SPMAP2L: variants seen among roughly 807,000 people sequenced by gnomAD.
SPMAP2L encodes the protein sperm microtubule associated protein 2-like.
At chr4:56,562,795 T>TTTTTTTA in the SPMAP2L span, among the ~76,000 whole-genome samples, 2 of 151,232 alleles carry the variant, frequency 1.3e-5, no homozygotes. Context: ...TCTTTTTTTT[T>TTTTTTTA]ACTATGTGTG....
the SPMAP2L span, among the ~76,000 whole-genome samples, chr4:56,567,087 A>C: frequency 6.6e-6 from 1 of 152,104 alleles, no homozygotes; most frequent in East Asian, 1.9e-4. Context: ...TAAATCTTAC[A>C]TTATTATTAT....
the SPMAP2L span, among the ~76,000 whole-genome samples, chr4:56,569,905 T>G: frequency 1.3e-5 from 2 of 152,214 alleles, no homozygotes; most frequent in African/African-American, 4.8e-5. Context: ...TTTACCAAAG[T>G]ATTTACTTTA....
At chr4:56,559,785 T>G in the SPMAP2L span, among the ~76,000 whole-genome samples, 2 of 152,158 alleles carry the variant, frequency 1.3e-5, no homozygotes, top group Non-Finnish European at 2.9e-5. Context: ...GCCAGACTGG[T>G]CTCGAGCTCC....
the SPMAP2L span, chr4:56,531,257 C>G: frequency 2.1e-6 from 3 of 1,431,852 alleles, no homozygotes; most frequent in Non-Finnish European, 2.7e-6. Flanking sequence ...CATCTAGAAC[C>G]GGGGGTCCTA....
the SPMAP2L span, chr4:56,593,819 T>C: frequency 6.2e-7 from 1 of 1,609,804 alleles, no homozygotes; most frequent in South Asian, 1.1e-5. Flanking sequence ...TCAGGCCCTC[T>C]TGGCGAATAT....
At chr4:56,588,064 C>T in the SPMAP2L span, among the ~76,000 whole-genome samples, 2 of 152,154 alleles carry the variant, frequency 1.3e-5, no homozygotes, top group Non-Finnish European at 2.9e-5. Context: ...TTTCCTTGAT[C>T]ATTAGTGATG....
the SPMAP2L span, chr4:56,530,915 A>C: frequency 3.3e-6 from 5 of 1,535,094 alleles, no homozygotes; most frequent in Non-Finnish European, 4.4e-6. Context: ...GATGAGCCTC[A>C]TGAGTCCTAT....
chr4:56,612,452 G>T, the SPMAP2L span, among the ~76,000 whole-genome samples: 4 of 150,692 alleles, frequency 2.7e-5, no homozygotes, highest in Admixed American at 2.0e-4. Flanking sequence ...AGCGATTCTC[G>T]TGCCTCAGTG....
At chr4:56,593,705 G>C in the SPMAP2L span, 2 of 1,593,156 alleles carry the variant, frequency 1.3e-6, no homozygotes. Context: ...AAGAATGGTG[G>C]GGGCAACAAG....
At chr4:56,544,675 G>T in the SPMAP2L span, among the ~76,000 whole-genome samples, 1 of 151,068 alleles carries the variant, frequency 6.6e-6, no homozygotes, top group African/African-American at 2.5e-5. Context: ...CCGCTAGGCC[G>T]AGCCCCGCAG....
At chr4:56,598,045 A>G in the SPMAP2L span, among the ~76,000 whole-genome samples, 2 of 152,104 alleles carry the variant, frequency 1.3e-5, no homozygotes, top group African/African-American at 4.8e-5. Context: ...ATTTTTTTGT[A>G]GAGACAGGGG....
the SPMAP2L span, among the ~76,000 whole-genome samples, chr4:56,544,886 C>G: frequency 6.6e-6 from 1 of 152,252 alleles, no homozygotes; most frequent in Non-Finnish European, 1.5e-5. Context: ...GCATTCTCAA[C>G]AGGAAAGCCC....
chr4:56,571,183 C>T, the SPMAP2L span, among the ~76,000 whole-genome samples: 53 of 151,344 alleles, frequency 3.5e-4, no homozygotes, highest in South Asian at 8.6e-3. Context: ...TAGCTTAAAA[C>T]ACAAACACAT....
At chr4:56,534,150 C>G in the SPMAP2L span, among the ~76,000 whole-genome samples, 2 of 152,112 alleles carry the variant, frequency 1.3e-5, no homozygotes, top group Non-Finnish European at 2.9e-5. Flanking sequence ...TATCCATGTC[C>G]TCTTTCCCCC....
chr4:56,549,233 C>T, the SPMAP2L span, among the ~76,000 whole-genome samples: 109 of 152,098 alleles, frequency 7.2e-4, no homozygotes, highest in Middle Eastern at 3.4e-3. Flanking sequence ...GTGATCTGCC[C>T]GCCTCTGCCT....
At chr4:56,575,472 T>C in the SPMAP2L span, 2 of 1,531,902 alleles carry the variant, frequency 1.3e-6, no homozygotes, top group South Asian at 1.2e-5. Context: ...CATGCTTGTT[T>C]CGTTTACTTC....
chr4:56,594,545 C>T, the SPMAP2L span: 336 of 1,608,520 alleles, frequency 2.1e-4, no homozygotes, highest in Non-Finnish European at 2.6e-4. Flanking sequence ...GGCCACTATC[C>T]GAGCCTACTT....
the SPMAP2L span, among the ~76,000 whole-genome samples, chr4:56,609,126 T>C: frequency 6.6e-6 from 1 of 150,632 alleles, no homozygotes; most frequent in Non-Finnish European, 1.5e-5. Flanking sequence ...CTTGGCTCAC[T>C]GCAACCTCTG....
the SPMAP2L span, chr4:56,575,751 G>A: frequency 2.9e-6 from 3 of 1,033,810 alleles, no homozygotes; most frequent in Non-Finnish European, 4.0e-6. Context: ...GAGTCCACTT[G>A]TGTTCCAAAG....
Sources: allele counts gnomAD v4.1 joint callset (sites outside exome capture counted in the v4.1 genomes callset), GRCh38; gene constraint gnomAD v4.1.1; transcripts MANE v1.5; gene names NCBI Gene and HGNC (gene_info 2026-07-23, HGNC 2026-07-21).